The following TFCP2L1 variants were observed in gnomAD, a reference collection of about 807,000 sequenced individuals.
TFCP2L1 encodes the protein transcription factor CP2-like protein 1.
Under a neutral mutation model 72.2 loss-of-function variants are expected in TFCP2L1, and 12 were observed. The ratio of observed to expected loss-of-function variants is 0.17; its 90% confidence interval spans 0.11 to 0.27. The LOEUF (loss-of-function observed/expected upper bound fraction) is 0.27, where lower values mean the gene tolerates loss of function less well. Ranked by LOEUF, TFCP2L1 falls within the 10% of genes least tolerant of loss-of-function variation. The pLI, the probability that TFCP2L1 is intolerant of heterozygous loss-of-function variation, is 1.00. For synonymous variants in TFCP2L1, 260 were observed against 251.0 expected, an observed-to-expected ratio of 1.04 and a Z score of -0.34; for missense variants, 488 against 624.6, an observed-to-expected ratio of 0.78 and a Z score of 2.33.
intron 6 of TFCP2L1, among the ~76,000 whole-genome samples, chr2:121,242,813 G>T (rs1279905453): frequency 6.6e-6 from 1 of 152,154 alleles, no homozygotes; most frequent in Non-Finnish European, 1.5e-5. Flanking sequence ...TGCTGGTCTG[G>T]ATTTAGTCTG....
Position 121,285,128 on chromosome 2 carries a change from G to C in TFCP2L1, c.-19C>G, listed in dbSNP as rs1471425106. 2.0e-6 allele frequency: 3 copies of C among 1,483,360 alleles called. No individual in the cohort carries two copies. The African/African-American group carries it at 4.3e-5, about 21-fold the overall frequency. The allele number at this position is 1,483,360 out of a possible 1,614,324, so 91.9% of individuals were successfully genotyped here. ...AGAGCATGGCTGGAACTCCCAGCGCGCCGACCGGGGCGCGGCAGCAAGCGC... is the reference window on the plus strand; with the variant it reads ...AGAGCATGGCTGGAACTCCCAGCGCCCCGACCGGGGCGCGGCAGCAAGCGC... On this transcript the variant is annotated 5_prime_UTR_variant, in exon 1 of 15. Transcript: ENST00000263707.
At chr2:121,250,552 T>G (rs1198995138) in intron 2 of TFCP2L1, among the ~76,000 whole-genome samples, 1 of 151,834 alleles carries the variant, frequency 6.6e-6, no homozygotes, top group Admixed American at 6.6e-5. Flanking sequence ...CGCAATTTAA[T>G]AAAGGGTGTT....
At chr2:121,283,105 C>T (rs889827072) in intron 1 of TFCP2L1, among the ~76,000 whole-genome samples, 11 of 152,122 alleles carry the variant, frequency 7.2e-5, no homozygotes, top group African/African-American at 2.7e-4. Context: ...CGGACTGCTG[C>T]CTTTAAATTT....
intron 2 of TFCP2L1, among the ~76,000 whole-genome samples, chr2:121,279,334 C>T (rs1263550386): frequency 6.6e-6 from 1 of 152,230 alleles, no homozygotes; most frequent in African/African-American, 2.4e-5. Flanking sequence ...ATGGCAAAAA[C>T]CATTCCACAC....
chr2:121,236,598 A>G (rs1397329319), intron 10 of TFCP2L1, among the ~76,000 whole-genome samples: 3 of 152,170 alleles, frequency 2.0e-5, no homozygotes, highest in African/African-American at 7.2e-5. Context: ...GTACAATTCT[A>G]TAGACACAAT....
At chr2:121,274,782 G>A (rs1015249173) in intron 2 of TFCP2L1, among the ~76,000 whole-genome samples, 6 of 151,966 alleles carry the variant, frequency 3.9e-5, no homozygotes, top group Admixed American at 2.0e-4. Context: ...TTGTATCTAC[G>A]AAAAATAGAA....
Position 121,261,142 on chromosome 2 carries a change from G to A in TFCP2L1, c.215-11495C>T, listed in dbSNP as rs556759571. On this transcript the variant is annotated intron_variant, in intron 2 of 14. Coordinates refer to ENST00000263707, the MANE Select transcript of TFCP2L1 (RefSeq NM_014553.3). ...ACAGAAGAAGATGGTATGCTTCAGG[G>A]AAAAGGCTTTGCCAGCAACACACCC... is the stretch of plus-strand genomic sequence containing the variant. Among the ~76,000 whole-genome samples, 8 of 152,298 alleles carry A rather than the reference G, an allele frequency of 5.3e-5. No individual in the cohort carries two copies. In the South Asian group the frequency reaches 1.2e-3, roughly 24 times the overall value.
chr2:121,241,095 A>G (rs1225606842), intron 7 of TFCP2L1, among the ~76,000 whole-genome samples: 1 of 152,200 alleles, frequency 6.6e-6, no homozygotes, highest in African/African-American at 2.4e-5. Flanking sequence ...CAATTATTCA[A>G]TGAACAAACA....
At chr2:121,269,918 A>AAAAAAAAAAAAAAAATATATAT in intron 2 of TFCP2L1, among the ~76,000 whole-genome samples, 13 of 115,172 alleles carry the variant, frequency 1.1e-4, no homozygotes, top group African/African-American at 4.5e-4. Flanking sequence ...AAAAAAAAAA[A>AAAAAAAAAAAAAAAATATATAT]ATATATATAT....
rs1386439679 is a variant in TFCP2L1, at chr2:121,237,828, C to A, written c.883G>T (p.Val295Leu). 2.5e-6 allele frequency: 4 copies of A among 1,614,082 alleles called. No individual in the cohort carries two copies. Among genetic ancestry groups the A allele is most frequent in the South Asian group, 1.1e-5 (1 of 91,080 alleles). The change falls in exon 9 of 15, where the codon GTG becomes TTG. Residue 295 changes from valine to leucine, a missense_variant. Around this residue, in one of 3 missense-constraint regions of TFCP2L1, gnomAD observed 286 missense variants for 329.0 expected, o/e 0.87. Transcript: ENST00000263707. ...GEGNASPTHP[V>L]EALPVGSDHL... ...TCACTGCCCACGGGCAGGGCCTCCA[C>A]CGGGTGGGTCGGAGAGGCGTTGCTG...
intron 2 of TFCP2L1, among the ~76,000 whole-genome samples, chr2:121,259,497 C>T (rs1163166600): frequency 1.3e-5 from 2 of 152,200 alleles, no homozygotes; most frequent in Non-Finnish European, 2.9e-5. Flanking sequence ...CATTTAAAAA[C>T]TGGTGAATCT....
intron 2 of TFCP2L1, among the ~76,000 whole-genome samples, chr2:121,264,341 A>C (rs1374102446): frequency 1.3e-5 from 2 of 152,202 alleles, no homozygotes; most frequent in Non-Finnish European, 2.9e-5. Context: ...TACCCAGGGT[A>C]TCTAAGGACC....
intron 2 of TFCP2L1, among the ~76,000 whole-genome samples, chr2:121,269,918 A>AAAAAAAT: frequency 8.7e-6 from 1 of 115,176 alleles, no homozygotes; most frequent in African/African-American, 3.7e-5. Context: ...AAAAAAAAAA[A>AAAAAAAT]ATATATATAT....
chr2:121,235,130 CCCA>C, intron 11 of TFCP2L1, 88 bp downstream of exon 11: 1 of 1,402,266 alleles, frequency 7.1e-7, no homozygotes, highest in South Asian at 1.2e-5. Flanking sequence ...AGCCAGACCA[CCCA>C]CCATCCAAAA....
intron 2 of TFCP2L1, among the ~76,000 whole-genome samples, chr2:121,262,581 C>G (rs1264295893): frequency 6.6e-6 from 1 of 152,196 alleles, no homozygotes; most frequent in Non-Finnish European, 1.5e-5. Flanking sequence ...CATGGCAACT[C>G]CCCTGCAGCG....
chr2:121,224,158 G>C lies in TFCP2L1; in HGVS notation c.*183C>G. On this transcript the variant is annotated 3_prime_UTR_variant, in exon 15 of 15. Transcript: ENST00000263707. Reference sequence around the variant, plus strand: ...GGGAGAAAGGAGCCACTGGCTTTCTGTACACCGTACTTGGTGTCCACAGGC... The same window carrying C: ...GGGAGAAAGGAGCCACTGGCTTTCTCTACACCGTACTTGGTGTCCACAGGC... 3 of 630,866 alleles carry C rather than the reference G, an allele frequency of 4.8e-6. No homozygotes were observed. In the South Asian group the frequency reaches 5.9e-5, roughly 12 times the overall value. 39.1% of individuals were successfully genotyped at this position (630,866 alleles called of 1,614,324 possible).
chr2:121,270,850 C>A (rs1410244552), intron 2 of TFCP2L1, among the ~76,000 whole-genome samples: 2 of 150,530 alleles, frequency 1.3e-5, no homozygotes, highest in African/African-American at 4.9e-5. Flanking sequence ...GCCTGGGCAA[C>A]AGAGCTAGAC....
At chr2:121,249,144 C>T in intron 3 of TFCP2L1, 57 bp from the exon 4 acceptor site, 3 of 1,312,534 alleles carry the variant, frequency 2.3e-6, no homozygotes, top group Non-Finnish European at 3.1e-6. Context: ...GAGGAACCCA[C>T]CTCTTTTCCC....
chr2:121,281,163 T>C lies in TFCP2L1; in HGVS notation c.171A>G (p.Pro57=). 2 of 1,613,844 alleles carry C rather than the reference T, an allele frequency of 1.2e-6. No homozygotes were observed. Among genetic ancestry groups the C allele is most frequent in the South Asian group, 2.2e-5 (2 of 91,068 alleles). Residue 57 remains proline (P), a synonymous_variant, in exon 2 of 15, where the codon CCA becomes CCG. Transcript: ENST00000263707. ...LQYVLCAATS[P]AVKLHEETLT... ...GCGTCTCTTCATGCAGCTTCACGGC[T>C]GGGGACGTGGCAGCACACAACACAT...
Sources: gnomAD v4.1 joint callset for allele counts (sites outside exome capture counted in the v4.1 genomes callset) on GRCh38, gnomAD v4.1.1 for gene constraint, gnomAD v4.1.1 regional missense constraint, MANE v1.5 for transcripts, NCBI Gene and HGNC (gene_info 2026-07-23, HGNC 2026-07-21) for gene names.